MINK1: variants seen among roughly 807,000 people sequenced by gnomAD.
The protein encoded by MINK1 is misshapen-like kinase 1.
Under a neutral mutation model 178.4 loss-of-function variants are expected in MINK1, and 46 were observed. The ratio of observed to expected loss-of-function variants is 0.26; its 90% CI spans 0.20 to 0.33. MINK1 has a LOEUF of 0.33. Ranked by LOEUF, MINK1 falls within the 10% of genes least tolerant of loss-of-function variation. The pLI, the probability that MINK1 is intolerant of heterozygous loss-of-function variation, is 1.00. For missense variants in MINK1, 1,366 were observed against 1,814.9 expected, an observed-to-expected ratio of 0.75 and a Z score of 4.49; for synonymous variants, 797 against 709.7, an observed-to-expected ratio of 1.12 and a Z score of -1.96.
chr17:4,894,989 C>G lies in MINK1; in HGVS notation c.2918-86C>G. ...CCTCCTTTCTGCGTATTATGAGGTG[C>G]CAAGACCTGATATAGGGGATGGAGG... On this transcript the variant is annotated intron_variant, in intron 24 of 31. Coordinates refer to ENST00000355280, the MANE Select transcript of MINK1 (RefSeq NM_153827.5). The surrounding 1 kb of genome is among the most constrained non-coding windows in gnomAD (Gnocchi z 4.1). 7.1e-7 allele frequency: 1 copy of G among 1,417,580 alleles called. No individual in the cohort carries two copies. Among genetic ancestry groups the G allele is most frequent in the Non-Finnish European group, 9.7e-7 (1 of 1,031,496 alleles). The allele number at this position is 1,417,580 out of a possible 1,614,324, so 87.8% of individuals were successfully genotyped here.
intron 1 of MINK1, among the ~76,000 whole-genome samples, chr17:4,850,385 G>T (rs920410816): frequency 2.0e-5 from 3 of 152,180 alleles, no homozygotes; most frequent in Non-Finnish European, 4.4e-5. Context: ...TGTCTCACCT[G>T]CGTCTCTTCA....
At chr17:4,857,263 C>T (rs1913303949) in intron 1 of MINK1, 1 of 216,790 alleles carries the variant, frequency 4.6e-6, no homozygotes, top group South Asian at 5.9e-5. Flanking sequence ...GCCATGATGC[C>T]GGTGCCATTC....
chr17:4,838,916 A>T (rs962915905), intron 1 of MINK1, among the ~76,000 whole-genome samples: 1 of 152,014 alleles, frequency 6.6e-6, no homozygotes, highest in African/African-American at 2.4e-5. Flanking sequence ...ACATCCACCC[A>T]AGCAAAGCAA....
chr17:4,892,153 C>T lies in MINK1; in HGVS notation c.2006C>T (p.Pro669Leu). Residue 669 changes from proline to leucine, a missense_variant, in exon 17 of 32, where the codon CCT (proline) becomes CTT (leucine). Coordinates refer to ENST00000355280, the MANE Select transcript of MINK1 (RefSeq NM_153827.5). ...RPDNEAPPKV[P>L]QRTSSIATAL... ...CACGTGGACTTCTCTCCACAGGTGC[C>T]TCAGAGGACCTCATCTATCGCCACT... is the stretch of plus-strand genomic sequence containing the variant. 3 of 1,595,478 alleles carry T rather than the reference C, an allele frequency of 1.9e-6. No individual in the cohort carries two copies. In the East Asian group the frequency reaches 6.9e-5, roughly 36 times the overall value.
rs111808378 is a variant in MINK1, at chr17:4,894,406, C to G, written c.2808+95C>G. 1 of 1,539,590 alleles carries G rather than the reference C, an allele frequency of 6.5e-7. No homozygotes were observed. The highest frequency in any genetic ancestry group is 2.4e-5 in the East Asian group (1 of 41,346). On this transcript the variant is annotated intron_variant, in intron 23 of 31. Coordinates refer to ENST00000355280, the MANE Select transcript of MINK1 (RefSeq NM_153827.5). The surrounding 1 kb of genome is among the most constrained non-coding windows in gnomAD (Gnocchi z 4.1). ...GGTAACGGCAGAGGATGGGGCGGAG[C>G]GCTGGGAGCTGGACAGCGGGGGTGC...
chr17:4,846,308 C>G (rs1401024885), intron 1 of MINK1, among the ~76,000 whole-genome samples: 4 of 152,220 alleles, frequency 2.6e-5, no homozygotes, highest in Non-Finnish European at 5.9e-5. Flanking sequence ...TCTTTTTTCT[C>G]TGTCTCCTTG....
At chr17:4,851,083 C>T in intron 1 of MINK1, 1 of 456,786 alleles carries the variant, frequency 2.2e-6, no homozygotes, top group Non-Finnish European at 4.4e-6. Context: ...TATCTTGTTT[C>T]TTCTCTCCTG....
At chr17:4,882,293 C>T (rs1304892165) in intron 4 of MINK1, among the ~76,000 whole-genome samples, 2 of 152,232 alleles carry the variant, frequency 1.3e-5, no homozygotes, top group African/African-American at 2.4e-5. Context: ...CAACCTTTTC[C>T]TGCATTGGAT....
At position 4,877,538 on chromosome 17, in the gene MINK1, C is replaced by T. The variant is rs115581674; in HGVS notation, c.58-779C>T. On this transcript the variant is annotated intron_variant, in intron 1 of 31. Coordinates refer to ENST00000355280, the MANE Select transcript of MINK1 (RefSeq NM_153827.5). ...GGATGGTGGCCCTGAAATTCCTGCT[C>T]CCTGCTAGCTTTCCTCATCCCTGCT... 3.2e-3 allele frequency among the ~76,000 whole-genome samples: 489 copies of T among 152,250 alleles called. 5 individuals carry two copies. Among genetic ancestry groups the T allele is most frequent in the African/African-American group, 0.01 (419 of 41,552 alleles).
chr17:4,840,994 CGTG>C (rs1567554515), intron 1 of MINK1, among the ~76,000 whole-genome samples: 2 of 152,016 alleles, frequency 1.3e-5, no homozygotes, highest in Non-Finnish European at 2.9e-5. Flanking sequence ...GCCTAAGAAA[CGTG>C]GTGATAGTTG....
rs1416406806 is a variant in MINK1 at position 4,884,556 on chromosome 17, G to T, written c.417+83G>T. On this transcript the variant is annotated intron_variant, in intron 5 of 31. Transcript: ENST00000355280. ...CATGAGCAAAGATCCTCCCTGCGCT[G>T]GGAGGAGACATCACTGCCCTCTTTA... is the stretch of plus-strand genomic sequence containing the variant. The T allele has an allele frequency of 1.2e-5, 13 of 1,043,660 alleles. No homozygotes were observed. The Admixed American group carries it at 2.3e-4, about 19-fold the overall frequency. The allele number at this position is 1,043,660 out of a possible 1,614,324, so 64.6% of individuals were successfully genotyped here.
At position 4,885,748 on chromosome 17, in the gene MINK1, G is replaced by A. The variant is rs1968143599; in HGVS notation, c.639+135G>A. The A allele has an allele frequency of 1.4e-5, 20 of 1,416,942 alleles. No homozygotes were observed. The highest frequency in any genetic ancestry group is 1.8e-4 in the Middle Eastern group (1 of 5,548). 87.8% of individuals were successfully genotyped at this position (1,416,942 alleles called of 1,614,324 possible). A position where few individuals can be genotyped will look rare whatever the true frequency, so the allele number is the denominator to read the frequency against. ...AGTGAGGGGCTGGGGAACATCTTACGGCAAGGCAAGTGTGGGTGGGAAGAT... is the reference window on the plus strand; with the variant it reads ...AGTGAGGGGCTGGGGAACATCTTACAGCAAGGCAAGTGTGGGTGGGAAGAT... On this transcript the variant is annotated intron_variant, in intron 7 of 31. Coordinates refer to ENST00000355280, the MANE Select transcript of MINK1 (RefSeq NM_153827.5). This position sits in a 1 kb window ranked among gnomAD's most constrained non-coding sequence, Gnocchi z 5.0.
At chr17:4,891,244 G>T in intron 15 of MINK1, 120 bp downstream of exon 15, 1 of 1,166,192 alleles carries the variant, frequency 8.6e-7, no homozygotes, top group South Asian at 1.7e-5. Flanking sequence ...CCGTGAGCCA[G>T]GATTACAGAG....
intron 1 of MINK1, among the ~76,000 whole-genome samples, chr17:4,851,258 T>C (rs1311683085): frequency 6.6e-6 from 1 of 152,208 alleles, no homozygotes; most frequent in Non-Finnish European, 1.5e-5. Context: ...GGTGAATTCT[T>C]GTGAAATGGG....
At chr17:4,835,024 T>G (rs1460706763) in intron 1 of MINK1, among the ~76,000 whole-genome samples, 1 of 152,212 alleles carries the variant, frequency 6.6e-6, no homozygotes, top group Non-Finnish European at 1.5e-5. Context: ...AGACCTGACT[T>G]GCTGGAGATA....
rs113088366 is a variant in MINK1, at chr17:4,893,238, T to G, written c.2400+171T>G. ...CTTTCCTAACCTCTCTCCTAACCTC[T>G]CTCCTAACCTCTCTTCTGGCTCTTT... On this transcript the variant is annotated intron_variant, in intron 20 of 31. Transcript: ENST00000355280. 3.4e-5 allele frequency: 55 copies of G among 1,611,332 alleles called. No homozygotes were observed. The East Asian group carries it at 3.8e-4, about 11-fold the overall frequency.
intron 2 of MINK1, 105 bp downstream of exon 2, chr17:4,878,487 G>A (rs899978729): frequency 2.0e-6 from 2 of 1,017,460 alleles, no homozygotes; most frequent in Admixed American, 4.2e-5. Flanking sequence ...GGGGCTATGG[G>A]AGATGCTAGA....
At position 4,886,484 on chromosome 17, in the gene MINK1, T is replaced by C; in HGVS notation, c.807T>C (p.Cys269=). Residue 269 remains cysteine, a synonymous_variant, in exon 10 of 32, where the codon TGT becomes TGC. Transcript: ENST00000355280. The surrounding 1 kb of genome is among the most constrained non-coding windows in gnomAD (Gnocchi z 6.1). The part of the protein sequence containing the change: ...SKKFIDFIDT[C]LIKTYLSRPP... Reference sequence around the variant, plus strand: ...AGTTCATTGACTTCATTGACACATGTCTCATCAAGACTTACCTGAGCCGCC... The same window carrying C: ...AGTTCATTGACTTCATTGACACATGCCTCATCAAGACTTACCTGAGCCGCC... The C allele has an allele frequency of 6.2e-7, 1 of 1,611,548 alleles. No individual in the cohort carries two copies.
At chr17:4,854,058 A>C (rs562774221) in intron 1 of MINK1, among the ~76,000 whole-genome samples, 50 of 152,136 alleles carry the variant, frequency 3.3e-4, no homozygotes, top group African/African-American at 1.2e-3. Flanking sequence ...TAGGTTTTTC[A>C]GTTTATTTTT....
Sources: allele counts gnomAD v4.1 joint callset (sites outside exome capture counted in the v4.1 genomes callset), GRCh38; gene constraint gnomAD v4.1.1; non-coding constraint Gnocchi (gnomAD v3.1); transcripts MANE v1.5; gene names NCBI Gene and HGNC (gene_info 2026-07-23, HGNC 2026-07-21).